Variants in FTO observed in about 807,000 individuals in gnomAD.
FTO encodes alpha-ketoglutarate-dependent dioxygenase FTO.
A neutral mutation model predicts 63.9 loss-of-function variants in FTO; 47 were observed. That is an observed-to-expected ratio of 0.74 (90% CI 0.58 to 0.94). The LOEUF is 0.94. Among genes scored for constraint, FTO ranks in the 40% least tolerant of loss-of-function variants. FTO has a pLI of 0.00. For missense variants in FTO, 562 were observed against 618.1 expected, an observed-to-expected ratio of 0.91 and a Z score of 0.96; for synonymous variants, 207 against 224.4, an observed-to-expected ratio of 0.92 and a Z score of 0.69.
At chr16:53,707,595 C>A (rs1441449492) in intron 1 of FTO, among the ~76,000 whole-genome samples, 1 of 152,154 alleles carries the variant, frequency 6.6e-6, no homozygotes, top group East Asian at 1.9e-4. Flanking sequence ...TGTTTCATAT[C>A]TTTTCATCGC....
chr16:54,066,453 G>GAGA (rs2085735581), intron 8 of FTO, among the ~76,000 whole-genome samples: 1 of 152,204 alleles, frequency 6.6e-6, no homozygotes, highest in Non-Finnish European at 1.5e-5. Context: ...TCTCTATATA[G>GAGA]CTTTGCCCTT....
chr16:54,017,499 C>T (rs1481542523), intron 8 of FTO, among the ~76,000 whole-genome samples: 2 of 152,208 alleles, frequency 1.3e-5, no homozygotes, highest in Non-Finnish European at 2.9e-5. Context: ...CCAGCCCCCA[C>T]CTTGCACTCT....
At chr16:53,847,782 G>A (rs1598815720) in intron 4 of FTO, among the ~76,000 whole-genome samples, 3 of 149,184 alleles carry the variant, frequency 2.0e-5, no homozygotes, top group African/African-American at 2.5e-5. Flanking sequence ...AAAAAAAAAA[G>A]CGCTGTATTT....
chr16:53,758,958 A>G (rs1183567906), intron 1 of FTO, among the ~76,000 whole-genome samples: 2 of 152,200 alleles, frequency 1.3e-5, no homozygotes, highest in Admixed American at 6.5e-5. Context: ...AATAATTACA[A>G]TTTGAATATT....
chr16:53,914,873 C>G lies in FTO; in HGVS notation c.1240-19112C>G, dbSNP rs1293089715. Among the ~76,000 whole-genome samples the G allele has an allele frequency of 7.2e-5, 11 of 152,266 alleles. No individual in the cohort carries two copies. In the East Asian group the frequency reaches 2.1e-3, roughly 29 times the overall value. Reference sequence around the variant, plus strand: ...TATTGTCAAGAACCTTTCCACTGAGCACAAGCGCACCATACTTGAAGGTCA... The same window carrying G: ...TATTGTCAAGAACCTTTCCACTGAGGACAAGCGCACCATACTTGAAGGTCA... On this transcript the variant is annotated intron_variant, in intron 7 of 8. Transcript: ENST00000471389.
At chr16:53,793,712 G>C (rs889382562) in intron 1 of FTO, among the ~76,000 whole-genome samples, 3 of 152,158 alleles carry the variant, frequency 2.0e-5, no homozygotes, top group Admixed American at 2.0e-4. Context: ...TCAGTGAGCC[G>C]AGAGCGAGAC....
intron 5 of FTO, among the ~76,000 whole-genome samples, chr16:53,875,713 A>C (rs2080629177): frequency 1.3e-5 from 2 of 152,228 alleles, no homozygotes; most frequent in African/African-American, 2.4e-5. Flanking sequence ...TTCTCTCTTC[A>C]AACTTTTATT....
chr16:53,749,640 C>T (rs1054870980), intron 1 of FTO, among the ~76,000 whole-genome samples: 1 of 151,924 alleles, frequency 6.6e-6, no homozygotes, highest in Non-Finnish European at 1.5e-5. Context: ...GGGGTTTCAC[C>T]GTGTTAGCCA....
At chr16:54,036,726 C>G (rs1401953764) in intron 8 of FTO, among the ~76,000 whole-genome samples, 2 of 152,208 alleles carry the variant, frequency 1.3e-5, no homozygotes, top group African/African-American at 4.8e-5. Flanking sequence ...CTCAGTTTCT[C>G]TTCCATAAAT....
chr16:53,718,248 T>C (rs1445467518), intron 1 of FTO, among the ~76,000 whole-genome samples: 3 of 152,082 alleles, frequency 2.0e-5, no homozygotes, highest in Non-Finnish European at 4.4e-5. Context: ...GTAAAATACG[T>C]GGGTATTTTA....
intron 8 of FTO, among the ~76,000 whole-genome samples, chr16:54,060,924 T>C (rs1170515206): frequency 1.3e-5 from 2 of 152,168 alleles, no homozygotes; most frequent in African/African-American, 4.8e-5. Context: ...TCAGAGAAAA[T>C]TTCGCCCTGG....
At chr16:53,840,895 A>AT (rs2079454740) in intron 3 of FTO, among the ~76,000 whole-genome samples, 1 of 151,786 alleles carries the variant, frequency 6.6e-6, no homozygotes, top group Non-Finnish European at 1.5e-5. Flanking sequence ...GGGAATTTGG[A>AT]TTTTTAGGCA....
intron 4 of FTO, among the ~76,000 whole-genome samples, chr16:53,869,898 T>C (rs1380353358): frequency 6.6e-6 from 1 of 152,208 alleles, no homozygotes; most frequent in Non-Finnish European, 1.5e-5. Context: ...TTGTGTTTTT[T>C]TGCCATTTAG....
intron 8 of FTO, among the ~76,000 whole-genome samples, chr16:53,968,087 C>G (rs566952702): frequency 2.0e-5 from 3 of 152,044 alleles, no homozygotes; most frequent in Non-Finnish European, 4.4e-5. Flanking sequence ...ATACTTGATT[C>G]GGGTCTATCA....
chr16:53,956,023 C>T (rs902514160), intron 8 of FTO, among the ~76,000 whole-genome samples: 9 of 152,084 alleles, frequency 5.9e-5, no homozygotes, highest in South Asian at 2.1e-4. Context: ...ATCTATTTTG[C>T]ACCTCCTATG....
intron 8 of FTO, among the ~76,000 whole-genome samples, chr16:54,051,318 C>A (rs575788583): frequency 6.6e-6 from 1 of 152,286 alleles, no homozygotes; most frequent in Non-Finnish European, 1.5e-5. Flanking sequence ...GGAGAAATAG[C>A]CTTGAGAAAA....
chr16:53,985,097 A>G (rs2083635645), intron 8 of FTO: 2 of 391,366 alleles, frequency 5.1e-6, no homozygotes, highest in Non-Finnish European at 5.1e-6. Context: ...ATGTGTAGGG[A>G]GGGGCTGGGG....
intron 4 of FTO, among the ~76,000 whole-genome samples, chr16:53,845,863 T>G (rs1044642397): frequency 3.3e-5 from 5 of 152,200 alleles, no homozygotes; most frequent in African/African-American, 4.8e-5. Flanking sequence ...TAGTGTGATT[T>G]AATGGCACTT....
chr16:54,057,740 T>C (rs576600385), intron 8 of FTO, among the ~76,000 whole-genome samples: 6 of 152,312 alleles, frequency 3.9e-5, no homozygotes, highest in Admixed American at 2.6e-4. Flanking sequence ...TTTAATGCTT[T>C]GTATGCTCGC....
Sources: allele counts gnomAD v4.1 joint callset (sites outside exome capture counted in the v4.1 genomes callset), GRCh38; gene constraint gnomAD v4.1.1; transcripts MANE v1.5; gene names NCBI Gene and HGNC (gene_info 2026-07-23, HGNC 2026-07-21).